ACSL5: variants seen among roughly 807,000 people sequenced by gnomAD.
ACSL5 encodes long-chain-fatty-acid--CoA ligase 5.
In ACSL5, 50 loss-of-function variants were observed where a neutral mutation model predicts 84.9. The observed-to-expected ratio is 0.59, with a 90% confidence interval of 0.47 to 0.75. The LOEUF (loss-of-function observed/expected upper bound fraction) is 0.75. Ranked by LOEUF, ACSL5 falls within the 30% of genes least tolerant of loss-of-function variation. The probability of loss-of-function intolerance (pLI) is 0.00; values close to 1 mark genes in which losing one functional copy is unlikely to be tolerated. For synonymous variants in ACSL5, 280 were observed against 300.7 expected (o/e 0.93, Z 0.71); for missense variants, 775 against 830.4 (o/e 0.93, Z 0.82).
At chr10:112,388,155 G>A (rs950102651) in intron 1 of ACSL5, among the ~76,000 whole-genome samples, 1 of 152,068 alleles carries the variant, frequency 6.6e-6, no homozygotes, top group Non-Finnish European at 1.5e-5. Flanking sequence ...GGCCAGGCTG[G>A]TCTCGAACTC....
At chr10:112,400,409 T>TC (rs1483638055) in intron 3 of ACSL5, among the ~76,000 whole-genome samples, 4 of 110,174 alleles carry the variant, frequency 3.6e-5, no homozygotes, top group African/African-American at 9.8e-5. Context: ...TTCTTTTCTT[T>TC]TTTTTTTTTT....
At position 112,427,452 on chromosome 10, in the gene ACSL5, A is replaced by T; in HGVS notation, c.*94A>T. 1.6e-6 allele frequency: 2 copies of T among 1,225,070 alleles called. No individual in the cohort carries two copies. Among genetic ancestry groups the T allele is most frequent in the African/African-American group, 1.6e-5 (1 of 63,782 alleles). 75.9% of individuals were successfully genotyped at this position (1,225,070 alleles called of 1,614,324 possible). On this transcript the variant is annotated 3_prime_UTR_variant, in exon 21 of 21. Coordinates refer to ENST00000354655, the MANE Select transcript of ACSL5 (RefSeq NM_203379.2). The stretch of plus-strand genomic sequence containing the variant: ...TTACATTTGTTTTGCCTTTCCTCCT[A>T]TTTTTTTTTAACCTGTTAAACTCTA...
At chr10:112,397,144 A>C (rs928774713) in intron 2 of ACSL5, among the ~76,000 whole-genome samples, 3 of 150,898 alleles carry the variant, frequency 2.0e-5, no homozygotes, top group Non-Finnish European at 4.4e-5. Flanking sequence ...GACATTTCAG[A>C]TAGATTCCTA....
At chr10:112,392,320 GAATT>G (rs1589677340) in intron 1 of ACSL5, among the ~76,000 whole-genome samples, 1 of 145,042 alleles carries the variant, frequency 6.9e-6, no homozygotes, top group East Asian at 2.2e-4. Context: ...AAAAATTAAA[GAATT>G]GGCCAGGTAC....
At chr10:112,382,542 G>A (rs1849370427) in intron 1 of ACSL5, among the ~76,000 whole-genome samples, 2 of 152,178 alleles carry the variant, frequency 1.3e-5, no homozygotes, top group Non-Finnish European at 2.9e-5. Flanking sequence ...GCCTCACTGG[G>A]ACCCAAACCC....
At chr10:112,395,219 A>G in intron 2 of ACSL5, 117 bp downstream of exon 2, 1 of 1,006,602 alleles carries the variant, frequency 9.9e-7, no homozygotes, top group South Asian at 1.7e-5. Flanking sequence ...TAAAGCTTTC[A>G]TGTTACCAAT....
chr10:112,380,946 T>C (rs1445371497), intron 1 of ACSL5, among the ~76,000 whole-genome samples: 2 of 152,066 alleles, frequency 1.3e-5, no homozygotes, highest in East Asian at 3.9e-4. Flanking sequence ...AAATTTTTTA[T>C]TTTTGTAAAG....
chr10:112,409,348 G>T, intron 6 of ACSL5, 159 bp from the exon 7 acceptor site: 1 of 607,006 alleles, frequency 1.6e-6, no homozygotes, highest in South Asian at 2.2e-5. Flanking sequence ...TATCATCAAT[G>T]GAATGTTTCA....
chr10:112,384,880 T>C (rs528727790), intron 1 of ACSL5, among the ~76,000 whole-genome samples: 6 of 152,348 alleles, frequency 3.9e-5, no homozygotes, highest in African/African-American at 1.4e-4. Flanking sequence ...TAATTCATTG[T>C]AATTGAGAAG....
At chr10:112,383,786 G>C (rs2133568335) in intron 1 of ACSL5, among the ~76,000 whole-genome samples, 1 of 148,298 alleles carries the variant, frequency 6.7e-6, no homozygotes, top group African/African-American at 2.5e-5. Context: ...TTGGAGGTGG[G>C]ATTATATGGA....
At position 112,411,034 on chromosome 10, in the gene ACSL5, T is replaced by G. The variant is rs550195992; in HGVS notation, c.796+399T>G. Among the ~76,000 whole-genome samples the G allele has an allele frequency of 4.6e-5, 7 of 152,310 alleles. No homozygotes were observed. The South Asian group carries it at 1.5e-3, about 32-fold the overall frequency. The stretch of plus-strand genomic sequence containing the variant: ...CATCTGTTAGAATGCTTAATAGTTT[T>G]TAATGTGGTCCATCATGGTCTACAG... On this transcript the variant is annotated intron_variant, in intron 9 of 20. Transcript: ENST00000354655.
rs79097775 is a variant in ACSL5, at chr10:112,380,507, G to A, written c.-30+6238G>A. Reference sequence around the variant, plus strand: ...AAAGATGGACCCTCCACCTCCAGCAGAAATACCTCTTCACCATTTCCCTCC... The same window carrying A: ...AAAGATGGACCCTCCACCTCCAGCAAAAATACCTCTTCACCATTTCCCTCC... On this transcript the variant is annotated intron_variant, in intron 1 of 20. Coordinates refer to ENST00000354655, the MANE Select transcript of ACSL5 (RefSeq NM_203379.2). Among the ~76,000 whole-genome samples, 908 of 140,874 alleles carry A rather than the reference G, an allele frequency of 6.4e-3. 7 individuals are homozygous for A. The highest frequency in any genetic ancestry group is 0.024 in the African/African-American group (878 of 37,284). The allele number at this position is 140,874 out of a possible 152,430, so 92.4% of individuals were successfully genotyped here. A position where few individuals can be genotyped will look rare whatever the true frequency, so the allele number is the denominator to read the frequency against.
At chr10:112,422,497 T>C (rs2133664437) in intron 17 of ACSL5, 56 bp downstream of exon 17, 1 of 1,515,732 alleles carries the variant, frequency 6.6e-7, no homozygotes, top group South Asian at 1.1e-5. Context: ...AGAAGAACAA[T>C]CTGCTTATAG....
chr10:112,422,473 AT>A, intron 17 of ACSL5, 32 bp downstream of exon 17: 1 of 1,585,492 alleles, frequency 6.3e-7, no homozygotes. Context: ...CTGGAAGTCT[AT>A]GCTAATGGAC....
At position 112,394,902 on chromosome 10, in the gene ACSL5, C is replaced by T. The variant is rs1843712395; in HGVS notation, c.-29-16C>T. The stretch of plus-strand genomic sequence containing the variant: ...CCATTTCCTCTAAATTTTCTTTCCC[C>T]TGTTTTTTTTTTAAGGTCTGAATTT... On this transcript the variant is annotated splice_polypyrimidine_tract_variant and intron_variant, in intron 1 of 20. Coordinates refer to ENST00000354655, the MANE Select transcript of ACSL5 (RefSeq NM_203379.2). 4.4e-6 allele frequency: 7 copies of T among 1,607,776 alleles called. No individual in the cohort carries two copies. Among genetic ancestry groups the T allele is most frequent in the Admixed American group, 1.7e-5 (1 of 59,316 alleles).
chr10:112,421,550 C>CTT, intron 14 of ACSL5, 43 bp from the exon 15 acceptor site: 1 of 1,588,826 alleles, frequency 6.3e-7, no homozygotes, highest in African/African-American at 1.3e-5. Flanking sequence ...CCAGCTCACA[C>CTT]TTTATCTTGA....
intron 1 of ACSL5, among the ~76,000 whole-genome samples, chr10:112,391,360 C>T (rs952026054): frequency 1.7e-5 from 2 of 115,090 alleles, no homozygotes; most frequent in Non-Finnish European, 3.8e-5. Context: ...CAGAGCCAGA[C>T]TGTGCCTCAA....
intron 19 of ACSL5, 67 bp downstream of exon 19, chr10:112,426,426 CAGT>C: frequency 7.5e-7 from 1 of 1,331,250 alleles, no homozygotes; most frequent in Non-Finnish European, 1.1e-6. Context: ...GATGCCTCAC[CAGT>C]TCCTGCATCT....
intron 1 of ACSL5, among the ~76,000 whole-genome samples, chr10:112,387,366 A>G (rs777728036): frequency 6.6e-6 from 1 of 152,248 alleles, no homozygotes; most frequent in Non-Finnish European, 1.5e-5. Flanking sequence ...CGTTCATAGC[A>G]TATAAAGGAA....
Sources: allele counts gnomAD v4.1 joint callset (sites outside exome capture counted in the v4.1 genomes callset), GRCh38; gene constraint gnomAD v4.1.1; transcripts MANE v1.5; gene names NCBI Gene and HGNC (gene_info 2026-07-23, HGNC 2026-07-21).